The following PDE4B variants were observed in gnomAD, a reference collection of about 807,000 sequenced individuals.
The protein encoded by PDE4B is phosphodiesterase 4B.
Under a neutral mutation model 82.2 loss-of-function variants are expected in PDE4B, and 20 were observed. The ratio of observed to expected loss-of-function variants is 0.24; its 90% CI spans 0.17 to 0.35. PDE4B has a LOEUF of 0.35. PDE4B is among the 10% of genes least tolerant of loss of function. The pLI is 1.00. For missense variants in PDE4B, 655 were observed against 907.2 expected, an observed-to-expected ratio of 0.72 and a Z score of 3.57; for synonymous variants, 320 against 318.9, an observed-to-expected ratio of 1.00 and a Z score of -0.04.
intron 3 of PDE4B, among the ~76,000 whole-genome samples, chr1:66,111,875 C>T (rs1237303794): frequency 3.3e-5 from 5 of 152,060 alleles, no homozygotes; most frequent in Admixed American, 2.6e-4. Flanking sequence ...CCAGGGTTCA[C>T]TATAATCATT....
chr1:65,918,956 A>G lies in PDE4B; in HGVS notation c.281+121A>G, dbSNP rs1369646812. 13 of 662,940 alleles carry G rather than the reference A, an allele frequency of 2.0e-5. No individual in the cohort carries two copies. The South Asian group carries it at 2.2e-4, about 11-fold the overall frequency. The allele number at this position is 662,940 out of a possible 1,614,324, so 41.1% of individuals were successfully genotyped here. Reference sequence around the variant, plus strand: ...AATACCTAAGATGATTGACATTTTGAGAATTCGTTTCCCTTTAGAATCAAA... The same window carrying G: ...AATACCTAAGATGATTGACATTTTGGGAATTCGTTTCCCTTTAGAATCAAA... On this transcript the variant is annotated intron_variant, in intron 3 of 16. Transcript: ENST00000341517.
At chr1:66,221,720 T>C (rs924541269) in intron 3 of PDE4B, among the ~76,000 whole-genome samples, 7 of 152,186 alleles carry the variant, frequency 4.6e-5, no homozygotes, top group African/African-American at 7.2e-5. Flanking sequence ...GATAAGATCA[T>C]TGAGGAACTT....
Position 65,819,504 on chromosome 1 carries a change from G to GTT in PDE4B, c.-71+26270_-71+26271dup, listed in dbSNP as rs35338207. Among the ~76,000 whole-genome samples the GTT allele has an allele frequency of 8.0e-4, 91 of 114,152 alleles. 5 individuals carry two copies. Among genetic ancestry groups the GTT allele is most frequent in the African/African-American group, 1.7e-3 (56 of 33,324 alleles). 74.9% of individuals were successfully genotyped at this position (114,152 alleles called of 152,430 possible). The stretch of plus-strand genomic sequence containing the variant: ...TTATTCTCTTGTTTGTTTTTGTTTT[G>GTT]TTTTTTTTTTTTTTTGAGACAGAGT... On this transcript the variant is annotated intron_variant, in intron 1 of 16. Coordinates refer to ENST00000341517, the MANE Select transcript of PDE4B (RefSeq NM_002600.4).
intron 3 of PDE4B, among the ~76,000 whole-genome samples, chr1:65,930,672 T>C (rs1192052452): frequency 6.6e-6 from 1 of 152,252 alleles, no homozygotes; most frequent in Non-Finnish European, 1.5e-5. Context: ...TTTGGCTGAT[T>C]TCTCTCTTTT....
At chr1:65,797,536 T>A (rs1287420971) in intron 1 of PDE4B, among the ~76,000 whole-genome samples, 2 of 152,164 alleles carry the variant, frequency 1.3e-5, no homozygotes, top group African/African-American at 2.4e-5. Flanking sequence ...TTAGTCTGCC[T>A]GGTTTGTCTG....
chr1:66,033,118 TTAA>T (rs1354912491), intron 3 of PDE4B, among the ~76,000 whole-genome samples: 2 of 152,182 alleles, frequency 1.3e-5, no homozygotes, highest in African/African-American at 4.8e-5. Flanking sequence ...TTGTTTTGAA[TTAA>T]TAACAGAAAA....
rs1398092777 is a variant in PDE4B at position 66,274,151 on chromosome 1, T to G, written c.634+8064T>G. ...TTCTCTGAGACTCACTTTTCTTGTC[T>G]GAAAAATGGGCATTTTTTTTTTTTT... On this transcript the variant is annotated intron_variant, in intron 7 of 16. Coordinates refer to ENST00000341517, the MANE Select transcript of PDE4B (RefSeq NM_002600.4). Among the ~76,000 whole-genome samples, 3 of 151,106 alleles carry G rather than the reference T, an allele frequency of 2.0e-5. No individual in the cohort carries two copies. In the East Asian group the frequency reaches 5.8e-4, roughly 29 times the overall value.
intron 3 of PDE4B, among the ~76,000 whole-genome samples, chr1:66,063,721 T>A (rs914186772): frequency 3.9e-5 from 6 of 152,030 alleles, no homozygotes; most frequent in Admixed American, 1.3e-4. Flanking sequence ...GCAATTTTTT[T>A]AATTAACATT....
At chr1:66,028,053 C>A (rs1209419400) in intron 3 of PDE4B, among the ~76,000 whole-genome samples, 1 of 152,342 alleles carries the variant, frequency 6.6e-6, no homozygotes, top group South Asian at 2.1e-4. Context: ...GGGGCTCCAA[C>A]CCCACATTTC....
At chr1:65,909,428 A>C (rs1416884081) in intron 1 of PDE4B, among the ~76,000 whole-genome samples, 1 of 152,170 alleles carries the variant, frequency 6.6e-6, no homozygotes, top group Non-Finnish European at 1.5e-5. Flanking sequence ...TGAAAGGTGA[A>C]ATTCACACAT....
chr1:65,887,871 G>A (rs1271605441), intron 1 of PDE4B, among the ~76,000 whole-genome samples: 1 of 151,998 alleles, frequency 6.6e-6, no homozygotes, highest in Non-Finnish European at 1.5e-5. Flanking sequence ...TGAATAGTTT[G>A]CAAATAGATT....
At chr1:66,159,964 T>A (rs1362860236) in intron 3 of PDE4B, among the ~76,000 whole-genome samples, 2 of 152,208 alleles carry the variant, frequency 1.3e-5, no homozygotes, top group Non-Finnish European at 2.9e-5. Flanking sequence ...CTCCTCCCTC[T>A]TCTAGGAAAT....
At chr1:66,012,525 A>G (rs148624621) in intron 3 of PDE4B, among the ~76,000 whole-genome samples, 1 of 152,262 alleles carries the variant, frequency 6.6e-6, no homozygotes, top group Non-Finnish European at 1.5e-5. Context: ...TGTGCACACC[A>G]TGACAACAGG....
chr1:66,333,898 C>T (rs1660316045), intron 8 of PDE4B, among the ~76,000 whole-genome samples: 1 of 151,980 alleles, frequency 6.6e-6, no homozygotes, highest in African/African-American at 2.4e-5. Flanking sequence ...AAGAAAAGAA[C>T]ACATTTGAGG....
intron 3 of PDE4B, among the ~76,000 whole-genome samples, chr1:66,088,740 C>T (rs1393739519): frequency 6.6e-6 from 1 of 151,944 alleles, no homozygotes; most frequent in African/African-American, 2.4e-5. Flanking sequence ...TTTCTCTTCT[C>T]CCGGACACAA....
chr1:66,349,132 T>C (rs1361377420), intron 8 of PDE4B, among the ~76,000 whole-genome samples: 3 of 152,186 alleles, frequency 2.0e-5, no homozygotes, highest in African/African-American at 7.2e-5. Flanking sequence ...AGATTAGTTA[T>C]AGAGCAGCTA....
At chr1:65,953,767 A>T (rs184882734) in intron 3 of PDE4B, among the ~76,000 whole-genome samples, 115 of 152,268 alleles carry the variant, frequency 7.6e-4, no homozygotes, top group African/African-American at 2.5e-3. Context: ...ATGTTTTTAT[A>T]AGACTGAAAG....
In PDE4B at chr1:66,368,007, C is replaced by T. The variant is rs151031090; in HGVS notation, c.1604C>T (p.Thr535Met). 30 of 1,613,686 alleles carry T rather than the reference C, an allele frequency of 1.9e-5. No individual in the cohort carries two copies. Among genetic ancestry groups the T allele is most frequent in the Admixed American group, 6.7e-5 (4 of 59,976 alleles). The change falls in exon 15 of 17, where the codon ACG (threonine) becomes ATG (methionine). Residue 535 changes from threonine (T) to methionine (M), a missense_variant. Physicochemically the swap from Thr to Met is moderately conservative, Grantham distance 81. Coordinates refer to ENST00000341517, the MANE Select transcript of PDE4B (RefSeq NM_002600.4). ...GCAGACCTGAAGACAATGGTAGAAA[C>T]GAAGAAAGTTACAAGTTCAGGCGTT... is the stretch of plus-strand genomic sequence containing the variant. Reference protein sequence around the residue: ...LLADLKTMVETKKVTSSGVLL... With the variant: ...LLADLKTMVEMKKVTSSGVLL...
At chr1:65,803,594 A>C (rs181465158) in intron 1 of PDE4B, among the ~76,000 whole-genome samples, 1 of 152,364 alleles carries the variant, frequency 6.6e-6, no homozygotes, top group East Asian at 1.9e-4. Context: ...TGAATAATGC[A>C]ACATAGTAAT....
Sources: gnomAD v4.1 joint callset for allele counts (sites outside exome capture counted in the v4.1 genomes callset) on GRCh38, gnomAD v4.1.1 for gene constraint, MANE v1.5 for transcripts, NCBI Gene and HGNC (gene_info 2026-07-23, HGNC 2026-07-21) for gene names.